The following RYR2 variants were observed in gnomAD, a reference collection of about 807,000 sequenced individuals.
RYR2 encodes the protein ryanodine receptor 2.
Under a neutral mutation model 601.1 loss-of-function variants are expected in RYR2, and 227 were observed. The observed-to-expected ratio is 0.38, with a 90% CI of 0.34 to 0.42. The LOEUF is 0.42. Among genes scored for constraint, RYR2 ranks in the 10% least tolerant of loss-of-function variants. The probability of loss-of-function intolerance (pLI) is 1.00; values close to 1 mark genes in which losing one functional copy is unlikely to be tolerated. For synonymous variants in RYR2, 2,223 were observed against 2,175.1 expected (o/e 1.02, Z -0.61); for missense variants, 4,646 against 6,156.5 (o/e 0.75, Z 8.21).
At chr1:237,252,541 G>A (rs886592722) in intron 1 of RYR2, among the ~76,000 whole-genome samples, 1 of 152,150 alleles carries the variant, frequency 6.6e-6, no homozygotes, top group African/African-American at 2.4e-5. Context: ...CCAAGTGTAA[G>A]CTCCATGGGT....
At chr1:237,642,206 T>G (rs3766876) in intron 47 of RYR2, among the ~76,000 whole-genome samples, 19,939 of 152,202 alleles carry the variant, frequency 0.13, 1,510 homozygotes, top group African/African-American at 0.21. Flanking sequence ...TTGGGTTTTT[T>G]GTGTGGTTTA....
chr1:237,360,003 T>A (rs1018427569), intron 4 of RYR2, among the ~76,000 whole-genome samples: 2 of 152,202 alleles, frequency 1.3e-5, no homozygotes, highest in Non-Finnish European at 2.9e-5. Flanking sequence ...GTCTTACACA[T>A]GTATTTTCTC....
At chr1:237,831,126 C>A (rs560696717) in intron 103 of RYR2, among the ~76,000 whole-genome samples, 1 of 152,010 alleles carries the variant, frequency 6.6e-6, no homozygotes, top group Admixed American at 6.6e-5. Context: ...ACTCATTTTC[C>A]GACCCAATTT....
intron 1 of RYR2, among the ~76,000 whole-genome samples, chr1:237,111,345 T>G (rs933229587): frequency 1.3e-5 from 2 of 152,128 alleles, no homozygotes; most frequent in Non-Finnish European, 2.9e-5. Flanking sequence ...ATACCCTTAT[T>G]GGGAGGCCAA....
At chr1:237,791,169 G>A (rs183952945) in intron 92 of RYR2, among the ~76,000 whole-genome samples, 3 of 152,122 alleles carry the variant, frequency 2.0e-5, no homozygotes, top group African/African-American at 7.2e-5. Flanking sequence ...CTCCTAACCC[G>A]ATGTAGTTTT....
chr1:237,787,885 A>G (rs1259219142), intron 91 of RYR2, 103 bp from the exon 92 acceptor site: 1 of 1,099,750 alleles, frequency 9.1e-7, no homozygotes, highest in Non-Finnish European at 1.3e-6. Flanking sequence ...TTCAAAAGTA[A>G]TATGATGGCC....
intron 1 of RYR2, among the ~76,000 whole-genome samples, chr1:237,094,423 G>GT (rs968923379): frequency 4.3e-4 from 66 of 152,202 alleles, no homozygotes; most frequent in African/African-American, 1.4e-3. Flanking sequence ...TATCGTTTCT[G>GT]TTTTTTTGGG....
chr1:237,584,647 C>CTTT (rs1674299637), intron 29 of RYR2, among the ~76,000 whole-genome samples: 35 of 75,654 alleles, frequency 4.6e-4, no homozygotes, highest in Admixed American at 1.0e-3. Context: ...AGCTCACCAC[C>CTTT]TGTTTTTTTT....
intron 10 of RYR2, among the ~76,000 whole-genome samples, chr1:237,393,302 G>GA (rs1313682863): frequency 1.3e-5 from 2 of 152,304 alleles, no homozygotes; most frequent in Admixed American, 6.5e-5. Context: ...GACTCAGCAG[G>GA]AAAAAGCTAT....
chr1:237,262,245 GTTT>G (rs386370106), intron 1 of RYR2, among the ~76,000 whole-genome samples: 134 of 61,090 alleles, frequency 2.2e-3, no homozygotes, highest in African/African-American at 6.7e-3. Flanking sequence ...GTTCTAAAGA[GTTT>G]TTTTTTTTTT....
chr1:237,595,791 G>A, intron 34 of RYR2, 134 bp downstream of exon 34: 1 of 1,075,408 alleles, frequency 9.3e-7, no homozygotes, highest in Non-Finnish European at 1.3e-6. Context: ...AATCAGCCGA[G>A]CAGACCTGCC....
rs757711968 is a variant in RYR2, at chr1:237,670,735, T to C, written c.8590+2777T>C. ...CCAAAATGTTTGGAACCAAAACTGT[T>C]TGAAAGTTGAGATTTTTTTCTGATT... On this transcript the variant is annotated intron_variant, in intron 58 of 104. Coordinates refer to ENST00000366574, the MANE Select transcript of RYR2 (RefSeq NM_001035.3). Among the ~76,000 whole-genome samples, 29 of 152,318 alleles carry C rather than the reference T, an allele frequency of 1.9e-4. 1 individual carries two copies. The highest frequency in any genetic ancestry group is 3.4e-3 in the Middle Eastern group (1 of 294).
intron 1 of RYR2, among the ~76,000 whole-genome samples, chr1:237,216,873 CATGCTGAATGA>C (rs140460261): frequency 0.028 from 4,299 of 152,146 alleles, 91 homozygotes; most frequent in South Asian, 0.066. Flanking sequence ...CTGAGTAGCA[CATGCTGAATGA>C]ATAGTGGCCC....
rs752863160 is a variant in RYR2, at chr1:237,614,547, C to T, written c.5419C>T (p.Arg1807Trp). 1.1e-5 allele frequency: 17 copies of T among 1,613,890 alleles called. No homozygotes were observed. Among genetic ancestry groups the T allele is most frequent in the Admixed American group, 5.0e-5 (3 of 60,000 alleles). The change falls in exon 37 of 105, where the codon CGG becomes TGG. Residue 1807 changes from arginine (R) to tryptophan (W), a missense_variant. Around this residue, in one of 17 missense-constraint regions of RYR2, gnomAD observed 1,807 missense variants for 2,088.1 expected, o/e 0.87. Coordinates refer to ENST00000366574, the MANE Select transcript of RYR2 (RefSeq NM_001035.3). This position sits in a 1 kb window ranked among gnomAD's most constrained non-coding sequence, Gnocchi z 4.3. ...EAVKEGSLHA[R>W]DPVGGTTEFL... ...TGTTAAAGAGGGCAGTCTTCATGCC[C>T]GGGACCCAGTTGGAGGGACTACTGA...
rs1559003815 is a variant in RYR2 at position 237,546,391 on chromosome 1, T to TTG, written c.2907-2039_2907-2038insGT. Among the ~76,000 whole-genome samples the TTG allele has an allele frequency of 5.3e-5, 8 of 151,888 alleles. No homozygotes were observed. In the South Asian group the frequency reaches 1.5e-3, roughly 28 times the overall value. On this transcript the variant is annotated intron_variant, in intron 25 of 104. Transcript: ENST00000366574. Reference sequence around the variant, plus strand: ...TTACTTTTTTGTTGTTGTTGTTGTTTTTTTGAGACAGAGTCTCGCCGTGTC... The same window carrying TTG: ...TTACTTTTTTGTTGTTGTTGTTGTTTTGTTTTGAGACAGAGTCTCGCCGTGTC...
chr1:237,267,766 T>C (rs537815026), intron 1 of RYR2: 2 of 156,296 alleles, frequency 1.3e-5, no homozygotes, highest in South Asian at 3.6e-4. Context: ...CACTTTAACA[T>C]ACATGGTAAA....
chr1:237,347,776 C>A (rs1219034913), intron 3 of RYR2, among the ~76,000 whole-genome samples: 4 of 142,706 alleles, frequency 2.8e-5, no homozygotes, highest in African/African-American at 9.1e-5. Context: ...AGCAAAACAC[C>A]CAAACCTCCC....
intron 4 of RYR2, 131 bp downstream of exon 4, chr1:237,356,116 T>C (rs938425662): frequency 2.1e-5 from 16 of 765,884 alleles, no homozygotes; most frequent in African/African-American, 1.9e-4. Context: ...TTCGTTGTAA[T>C]GAACACATGT....
At chr1:237,794,723 G>A (rs1658889364) in intron 95 of RYR2, among the ~76,000 whole-genome samples, 1 of 152,184 alleles carries the variant, frequency 6.6e-6, no homozygotes, top group Admixed American at 6.5e-5. Flanking sequence ...GTTGTCAAAT[G>A]GAGATTATTT....
Sources: allele counts gnomAD v4.1 joint callset (sites outside exome capture counted in the v4.1 genomes callset), GRCh38; gene constraint gnomAD v4.1.1; regional missense constraint gnomAD v4.1.1; non-coding constraint Gnocchi (gnomAD v3.1); transcripts MANE v1.5; gene names NCBI Gene and HGNC (gene_info 2026-07-23, HGNC 2026-07-21).